The following ATR variants were observed in gnomAD, a reference collection of about 807,000 sequenced individuals.
ATR encodes ATR checkpoint kinase.
In ATR, 142 loss-of-function variants were observed where a neutral mutation model predicts 305.3. That is an observed-to-expected ratio of 0.47 (90% CI 0.41 to 0.53). The LOEUF (loss-of-function observed/expected upper bound fraction) is 0.53, where lower values mean the gene tolerates loss of function less well. Among genes scored for constraint, ATR ranks in the 20% least tolerant of loss-of-function variants. ATR has a pLI of 0.00. For missense variants in ATR, 2,135 were observed against 3,133.1 expected, an observed-to-expected ratio of 0.68 and a Z score of 7.60; for synonymous variants, 1,050 against 1,068.1, an observed-to-expected ratio of 0.98 and a Z score of 0.33.
intron 23 of ATR, among the ~76,000 whole-genome samples, chr3:142,522,265 T>TA (rs1195215671): frequency 1.3e-5 from 2 of 152,216 alleles, no homozygotes; most frequent in African/African-American, 4.8e-5. Context: ...CAGACTATAG[T>TA]ATAGTGTAAA....
intron 22 of ATR, among the ~76,000 whole-genome samples, chr3:142,523,445 G>A (rs13085261): frequency 0.34 from 51,853 of 151,864 alleles, 9,382 homozygotes; most frequent in Middle Eastern, 0.44. Flanking sequence ...TGTATACATA[G>A]CATCTCCTAC....
intron 12 of ATR, 35 bp from the exon 13 acceptor site, chr3:142,553,433 A>AAAAC: frequency 7.1e-7 from 1 of 1,404,258 alleles, no homozygotes; most frequent in Non-Finnish European, 1.0e-6. Flanking sequence ...TGAATACACA[A>AAAAC]ACACACACAC....
chr3:142,499,614 GAAGT>G lies in ATR; in HGVS notation c.5380+9_5380+12del. On this transcript the variant is annotated intron_variant, in intron 31 of 46. Transcript: ENST00000350721. Reference sequence around the variant, plus strand: ...CATCCTAAAACTGCTTATATTTTAAGAAGTAATTTTACCTGCTGCCAAATAGTTT... The same window carrying G: ...CATCCTAAAACTGCTTATATTTTAAGAATTTTACCTGCTGCCAAATAGTTT... 6.2e-7 allele frequency: 1 copy of G among 1,612,442 alleles called. No individual in the cohort carries two copies. Among genetic ancestry groups the G allele is most frequent in the East Asian group, 2.2e-5 (1 of 44,838 alleles).
rs773125056 is a variant in ATR, at chr3:142,465,133, A to G, written c.7005T>C (p.Asp2335=). Residue 2335 remains aspartate (D), a synonymous_variant, in exon 41 of 47, where the codon GAT becomes GAC. Transcript: ENST00000350721. ...MCKPKDDLRK[D]CRLMEFNSLI... ...AGGAATTGAATTCCATTAGTCTACAATCCTTTCTCAGGTCATCTTTTGGCT... is the reference window on the plus strand; with the variant it reads ...AGGAATTGAATTCCATTAGTCTACAGTCCTTTCTCAGGTCATCTTTTGGCT... 4 of 1,599,162 alleles carry G rather than the reference A, an allele frequency of 2.5e-6. No homozygotes were observed. Among genetic ancestry groups the G allele is most frequent in the South Asian group, 1.1e-5 (1 of 88,462 alleles).
intron 42 of ATR, among the ~76,000 whole-genome samples, chr3:142,460,043 A>G (rs2108263223): frequency 1.3e-5 from 2 of 152,202 alleles, no homozygotes; most frequent in South Asian, 4.1e-4. Flanking sequence ...GACATATACA[A>G]TATGTCATGC....
intron 1 of ATR, among the ~76,000 whole-genome samples, chr3:142,572,491 G>A (rs1300070630): frequency 1.4e-5 from 2 of 147,104 alleles, no homozygotes; most frequent in East Asian, 4.1e-4. Flanking sequence ...AACTGATACT[G>A]GTCGGGCATG....
intron 34 of ATR, among the ~76,000 whole-genome samples, chr3:142,495,521 G>C (rs777514027): frequency 6.6e-6 from 1 of 152,074 alleles, no homozygotes; most frequent in Non-Finnish European, 1.5e-5. Context: ...GAGGCAGGTG[G>C]ATCATGAGGT....
intron 32 of ATR, among the ~76,000 whole-genome samples, chr3:142,498,146 C>A (rs1053114140): frequency 6.6e-6 from 1 of 152,086 alleles, no homozygotes; most frequent in Non-Finnish European, 1.5e-5. Context: ...AATTCATAGA[C>A]CTAAAATGTT....
intron 21 of ATR, among the ~76,000 whole-genome samples, chr3:142,524,905 CT>C (rs1184146312): frequency 6.6e-6 from 1 of 152,160 alleles, no homozygotes; most frequent in Non-Finnish European, 1.5e-5. Context: ...TGTGTGATCA[CT>C]TTAAAGCTAC....
Position 142,556,125 on chromosome 3 carries a change from T to C in ATR, c.2093A>G (p.Asp698Gly). The C allele has an allele frequency of 6.2e-7, 1 of 1,613,596 alleles. No individual in the cohort carries two copies. Among genetic ancestry groups the C allele is most frequent in the East Asian group, 2.2e-5 (1 of 44,852 alleles). Residue 698 changes from aspartate to glycine, a missense_variant, in exon 10 of 47, where the codon GAT becomes GGT. Transcript: ENST00000350721. ...TTCTTTCTTGACAATGTCAGAATCATCTTTGACTTTATCTCTGGGGAAAAA... is the reference window on the plus strand; with the variant it reads ...TTCTTTCTTGACAATGTCAGAATCACCTTTGACTTTATCTCTGGGGAAAAA... Reference protein sequence around the residue: ...VPKILIDKVKDDSDIVKKEFA... With the variant: ...VPKILIDKVKGDSDIVKKEFA...
intron 16 of ATR, among the ~76,000 whole-genome samples, chr3:142,544,480 AGATACCATTCACT>A (rs1559980762): frequency 6.9e-6 from 1 of 145,884 alleles, no homozygotes; most frequent in Non-Finnish European, 1.5e-5. Context: ...AAAAAAAAAA[AGATACCATTCACT>A]AAGAACTTAG....
chr3:142,561,195 A>G (rs1419057224), intron 5 of ATR, 48 bp downstream of exon 5: 12 of 1,584,830 alleles, frequency 7.6e-6, no homozygotes, highest in Non-Finnish European at 1.0e-5. Flanking sequence ...AAAAGTGAAC[A>G]AAGTTTTATT....
At chr3:142,488,871 A>C (rs1166312717) in intron 35 of ATR, among the ~76,000 whole-genome samples, 1 of 152,212 alleles carries the variant, frequency 6.6e-6, no homozygotes, top group Non-Finnish European at 1.5e-5. Context: ...AGAAATAATT[A>C]TATTATTGAG....
rs1342547062 is a variant in ATR, at chr3:142,540,991, T to C, written c.3494A>G (p.Lys1165Arg). The C allele has an allele frequency of 6.2e-7, 1 of 1,613,698 alleles. No homozygotes were observed. The highest frequency in any genetic ancestry group is 2.2e-5 in the East Asian group (1 of 44,868). The change falls in exon 18 of 47, where the codon AAA becomes AGA. Residue 1165 changes from lysine (K) to arginine (R), a missense_variant. Physicochemically the swap from Lys to Arg is conservative, Grantham distance 26 (BLOSUM62 2). Around this residue, in one of 9 missense-constraint regions of ATR, gnomAD observed 530 missense variants for 766.8 expected, o/e 0.69. Transcript: ENST00000350721. ...CTTCACCCTCACAGAACTGACATGTTTGGGTCCCATTAACTTCATCAAAGA... is the reference window on the plus strand; with the variant it reads ...CTTCACCCTCACAGAACTGACATGTCTGGGTCCCATTAACTTCATCAAAGA... ...LMSLMKLMGPKHVSSVRVKMM... is the reference protein window; with the variant it reads ...LMSLMKLMGPRHVSSVRVKMM...
chr3:142,562,167 C>A (rs1336623374), intron 4 of ATR, 65 bp downstream of exon 4: 4 of 1,516,236 alleles, frequency 2.6e-6, no homozygotes, highest in Non-Finnish European at 3.6e-6. Flanking sequence ...ACATTTTGCA[C>A]ATATGTATAC....
chr3:142,505,351 C>T, intron 28 of ATR, 48 bp from the exon 29 acceptor site: 1 of 1,601,968 alleles, frequency 6.2e-7, no homozygotes, highest in Non-Finnish European at 8.5e-7. Flanking sequence ...AAAAACACAA[C>T]TGGAAATAAA....
At chr3:142,478,946 A>C (rs2030181143) in intron 36 of ATR, among the ~76,000 whole-genome samples, 1 of 151,946 alleles carries the variant, frequency 6.6e-6, no homozygotes, top group Non-Finnish European at 1.5e-5. Context: ...TGCTTGGTAG[A>C]TCTTCCTCCA....
chr3:142,563,741 C>T (rs988418278), intron 3 of ATR, among the ~76,000 whole-genome samples: 22 of 152,156 alleles, frequency 1.4e-4, no homozygotes, highest in African/African-American at 5.1e-4. Context: ...ATTAAGCCTA[C>T]TGAGGAAGGC....
At chr3:142,560,725 T>C (rs1273422099) in intron 5 of ATR, among the ~76,000 whole-genome samples, 1 of 152,104 alleles carries the variant, frequency 6.6e-6, no homozygotes, top group African/African-American at 2.4e-5. Context: ...CACGCTTGGC[T>C]AATTTTTTGT....
Sources: gnomAD v4.1 joint callset for allele counts (sites outside exome capture counted in the v4.1 genomes callset) on GRCh38, gnomAD v4.1.1 for gene constraint, gnomAD v4.1.1 regional missense constraint, MANE v1.5 for transcripts, NCBI Gene and HGNC (gene_info 2026-07-23, HGNC 2026-07-21) for gene names.